The following ELP4 variants were observed in gnomAD, a reference collection of about 807,000 sequenced individuals.
ELP4 encodes the protein elongator complex protein 4.
Under a neutral mutation model 48.9 loss-of-function variants are expected in ELP4, and 51 were observed. The ratio of observed to expected loss-of-function variants is 1.04; its 90% confidence interval spans 0.83 to 1.32. The LOEUF is 1.32. ELP4 is among the 40% of genes most tolerant of loss of function. The pLI is 0.00. For synonymous variants in ELP4, 210 were observed against 189.2 expected (o/e 1.11, Z -0.90); for missense variants, 519 against 514.6 (o/e 1.01, Z -0.08).
At chr11:31,531,046 T>A (rs1051757807) in intron 2 of ELP4, among the ~76,000 whole-genome samples, 1 of 152,234 alleles carries the variant, frequency 6.6e-6, no homozygotes, top group African/African-American at 2.4e-5. Context: ...AAATGCTTAT[T>A]GTACAACCTC....
chr11:31,561,544 C>T, intron 3 of ELP4, among the ~76,000 whole-genome samples: 1 of 152,080 alleles, frequency 6.6e-6, no homozygotes, highest in East Asian at 1.9e-4. Flanking sequence ...CGGGTTCAAG[C>T]GATTCTCCTG....
intron 3 of ELP4, among the ~76,000 whole-genome samples, chr11:31,577,863 C>G (rs1178931995): frequency 6.6e-6 from 1 of 152,192 alleles, no homozygotes; most frequent in Non-Finnish European, 1.5e-5. Context: ...AAACTGGAAG[C>G]ATTCCCTTTG....
intron 9 of ELP4, among the ~76,000 whole-genome samples, chr11:31,704,728 T>C (rs754152937): frequency 2.6e-5 from 4 of 152,112 alleles, no homozygotes; most frequent in Non-Finnish European, 4.4e-5. Context: ...AAAGATTATA[T>C]AGATCAGGCT....
chr11:31,771,931 A>G (rs11031476), intron 9 of ELP4, among the ~76,000 whole-genome samples: 4 of 151,808 alleles, frequency 2.6e-5, no homozygotes, highest in East Asian at 2.0e-4. Context: ...GCAGTGAGCC[A>G]AGATTGTGCC....
intron 9 of ELP4, chr11:31,682,134 T>C (rs772169817): frequency 9.5e-5 from 112 of 1,177,098 alleles, no homozygotes; most frequent in Non-Finnish European, 1.2e-4. Context: ...CATCCAACTA[T>C]GCAACAGTTT....
intron 3 of ELP4, among the ~76,000 whole-genome samples, chr11:31,577,598 G>T (rs900757804): frequency 2.0e-5 from 3 of 151,934 alleles, no homozygotes; most frequent in African/African-American, 4.8e-5. Flanking sequence ...TATACACCAC[G>T]ATCAAGTTGT....
chr11:31,584,621 G>A (rs1447539505), intron 3 of ELP4, among the ~76,000 whole-genome samples: 1 of 152,090 alleles, frequency 6.6e-6, no homozygotes, highest in South Asian at 2.1e-4. Flanking sequence ...CTCCACCCCC[G>A]GGTTCAAGCG....
intron 9 of ELP4, among the ~76,000 whole-genome samples, chr11:31,743,085 G>A (rs527391305): frequency 5.0e-4 from 76 of 152,124 alleles, no homozygotes; most frequent in African/African-American, 1.7e-3. Context: ...AACAAAAAAA[G>A]GCAGGGGTTG....
At chr11:31,590,801 T>C (rs1957555291) in intron 3 of ELP4, among the ~76,000 whole-genome samples, 1 of 152,104 alleles carries the variant, frequency 6.6e-6, no homozygotes, top group South Asian at 2.1e-4. Flanking sequence ...ACACCAGAAC[T>C]CATTATTGCA....
intron 3 of ELP4, among the ~76,000 whole-genome samples, chr11:31,575,131 T>C (rs1957252620): frequency 6.6e-6 from 1 of 152,138 alleles, no homozygotes; most frequent in Admixed American, 6.5e-5. Context: ...GCACGAGAAC[T>C]ACGTGAAGCA....
intron 9 of ELP4, among the ~76,000 whole-genome samples, chr11:31,718,956 C>G (rs893243508): frequency 6.6e-6 from 1 of 152,082 alleles, no homozygotes; most frequent in Non-Finnish European, 1.5e-5. Flanking sequence ...TGATGCTGTA[C>G]AGTTATATTT....
chr11:31,668,675 CGTGTGTGTGTGTGTGT>C (rs367795416), intron 9 of ELP4, among the ~76,000 whole-genome samples: 37 of 121,114 alleles, frequency 3.1e-4, no homozygotes, highest in African/African-American at 9.6e-4. Flanking sequence ...CCTTTGGTAC[CGTGTGTGTGTGTGTGT>C]GTGTGTGTGT....
chr11:31,673,200 A>G (rs1043964443), intron 9 of ELP4, among the ~76,000 whole-genome samples: 9 of 152,184 alleles, frequency 5.9e-5, no homozygotes, highest in Middle Eastern at 6.8e-3. Context: ...TATTTTTAGT[A>G]GAGATGGGGT....
chr11:31,523,963 G>A (rs1293876839), intron 2 of ELP4, among the ~76,000 whole-genome samples: 2 of 151,944 alleles, frequency 1.3e-5, no homozygotes, highest in Non-Finnish European at 2.9e-5. Flanking sequence ...TAAAGATACT[G>A]AGCATCAAAA....
chr11:31,513,823 T>C lies in ELP4; in HGVS notation c.223+3816T>C, dbSNP rs181782577. Among the ~76,000 whole-genome samples, 153 of 152,336 alleles carry C rather than the reference T, an allele frequency of 1.0e-3. 1 individual carries two copies. Among genetic ancestry groups the C allele is most frequent in the Non-Finnish European group, 1.1e-3 (72 of 68,026 alleles). Reference sequence around the variant, plus strand: ...TTATGATTTTGAAAATCGTGGAAGATACTGGCATTTGCAAGATCTTAAATT... The same window carrying C: ...TTATGATTTTGAAAATCGTGGAAGACACTGGCATTTGCAAGATCTTAAATT... On this transcript the variant is annotated intron_variant, in intron 1 of 9. Transcript: ENST00000640961.
At chr11:31,674,451 C>T (rs1046961270) in intron 9 of ELP4, among the ~76,000 whole-genome samples, 10 of 152,084 alleles carry the variant, frequency 6.6e-5, no homozygotes, top group African/African-American at 2.4e-4. Flanking sequence ...ATCACCATGT[C>T]TTCAGTTGAC....
intron 7 of ELP4, chr11:31,633,245 T>A (rs1166010649): frequency 6.6e-6 from 1 of 152,054 alleles, no homozygotes; most frequent in East Asian, 1.9e-4. Flanking sequence ...TTAGTTACAT[T>A]CATTATATAC....
intron 3 of ELP4, among the ~76,000 whole-genome samples, chr11:31,549,304 AC>A (rs989299408): frequency 1.3e-4 from 19 of 151,920 alleles, no homozygotes; most frequent in African/African-American, 4.4e-4. Flanking sequence ...AAAACAAATA[AC>A]CCCATCAATA....
At chr11:31,663,455 T>G (rs975466896) in intron 9 of ELP4, 1 of 152,040 alleles carries the variant, frequency 6.6e-6, no homozygotes, top group Non-Finnish European at 1.5e-5. Context: ...TACTTAAGAT[T>G]TTTTTACTAT....
Sources: allele counts gnomAD v4.1 joint callset (sites outside exome capture counted in the v4.1 genomes callset), GRCh38; gene constraint gnomAD v4.1.1; transcripts MANE v1.5; gene names NCBI Gene and HGNC (gene_info 2026-07-23, HGNC 2026-07-21).